ZNF681: variants seen among roughly 807,000 people sequenced by gnomAD.
ZNF681 encodes the protein zinc finger protein 681.
In ZNF681, 37 loss-of-function variants were observed where a neutral mutation model predicts 56.0. That is an observed-to-expected ratio of 0.66 (90% confidence interval 0.51 to 0.87). The LOEUF is 0.87. Among genes scored for constraint, ZNF681 ranks in the 40% least tolerant of loss-of-function variants. The pLI is 0.00. For synonymous variants in ZNF681, 225 were observed against 248.6 expected, an observed-to-expected ratio of 0.91 and a Z score of 0.89; for missense variants, 741 against 744.9, an observed-to-expected ratio of 0.99 and a Z score of 0.06.
In ZNF681 at chr19:23,754,852, T is replaced by C; in HGVS notation, c.197A>G (p.Lys66Arg). ...LEQEKEPWTR[K>R]RHRMVAEPPV... ...GGGTTCGGCCACCATCCTATGTCTC[T>C]TTCTAGTCCAAGGCTCTTTTTCTTG... is the stretch of plus-strand genomic sequence containing the variant. Residue 66 changes from lysine (K) to arginine (R), a missense_variant, in exon 3 of 4, where the codon AAG becomes AGG. Physicochemically the swap from Lys to Arg is conservative, Grantham distance 26 (BLOSUM62 2). Transcript: ENST00000402377. 2 of 1,614,144 alleles carry C rather than the reference T, an allele frequency of 1.2e-6. No individual in the cohort carries two copies. Among genetic ancestry groups the C allele is most frequent in the Non-Finnish European group, 1.7e-6 (2 of 1,180,022 alleles).
chr19:23,751,642 CTT>C (rs769443002), intron 3 of ZNF681, among the ~76,000 whole-genome samples: 10 of 152,022 alleles, frequency 6.6e-5, no homozygotes, highest in Non-Finnish European at 1.3e-4. Context: ...TAATGAGAAA[CTT>C]TTAATCAATA....
In ZNF681 at chr19:23,742,089, A is replaced by G. The variant is rs1968880150; in HGVS notation, c.*1523T>C. On this transcript the variant is annotated 3_prime_UTR_variant, in exon 4 of 4. Coordinates refer to ENST00000402377, the MANE Select transcript of ZNF681 (RefSeq NM_138286.3). ...TGGGATAAGTTAAATTTAATGGCATAATAATGCTTCATTGAATGCACGATG... is the reference window on the plus strand; with the variant it reads ...TGGGATAAGTTAAATTTAATGGCATGATAATGCTTCATTGAATGCACGATG... 1 of 152,196 alleles carries G rather than the reference A, an allele frequency of 6.6e-6. No individual in the cohort carries two copies. The highest frequency in any genetic ancestry group is 2.4e-5 in the African/African-American group (1 of 41,444). The allele number at this position is 152,196 out of a possible 1,614,324, so 9.4% of individuals were successfully genotyped here. A position where few individuals can be genotyped will look rare whatever the true frequency, so the allele number is the denominator to read the frequency against.
intron 2 of ZNF681, 89 bp downstream of exon 2, chr19:23,755,335 CA>C (rs1317370148): frequency 4.8e-6 from 7 of 1,471,152 alleles, no homozygotes; most frequent in Non-Finnish European, 5.4e-6. Flanking sequence ...CTCACTTATG[CA>C]AAGCATAAAT....
Position 23,739,450 on chromosome 19 carries a change from A to G in ZNF681, c.*4162T>C, listed in dbSNP as rs1401571780. On this transcript the variant is annotated 3_prime_UTR_variant, in exon 4 of 4. Coordinates refer to ENST00000402377, the MANE Select transcript of ZNF681 (RefSeq NM_138286.3). ...CTATAGTTCATAACAATGTATTTGT[A>G]TTTCTGAAAAATGCTAAAACATTGT... The G allele has an allele frequency of 6.6e-6, 1 of 152,220 alleles. No homozygotes were observed. Among genetic ancestry groups the G allele is most frequent in the Non-Finnish European group, 1.5e-5 (1 of 68,028 alleles). 9.4% of individuals were successfully genotyped at this position (152,220 alleles called of 1,614,324 possible). A position where few individuals can be genotyped will look rare whatever the true frequency, so the allele number is the denominator to read the frequency against.
intron 1 of ZNF681, among the ~76,000 whole-genome samples, chr19:23,756,325 C>CG (rs1028415971): frequency 6.7e-5 from 10 of 149,752 alleles, no homozygotes; most frequent in African/African-American, 1.7e-4. Flanking sequence ...ACTCTGTCCC[C>CG]CCCCAAAAAA....
At position 23,739,208 on chromosome 19, in the gene ZNF681, TA is replaced by T. The variant is rs1249547228; in HGVS notation, c.*4403del. On this transcript the variant is annotated 3_prime_UTR_variant, in exon 4 of 4. Transcript: ENST00000402377. ...AATGGAATACTATTCATCTTTAAAA[TA>T]AAAAAATTTATTATTTTCAATTACA... 1 of 152,038 alleles carries T rather than the reference TA, an allele frequency of 6.6e-6. No individual in the cohort carries two copies. Among genetic ancestry groups the T allele is most frequent in the African/African-American group, 2.4e-5 (1 of 41,528 alleles). The allele number at this position is 152,038 out of a possible 1,614,324, so 9.4% of individuals were successfully genotyped here.
intron 3 of ZNF681, 78 bp downstream of exon 3, chr19:23,754,745 T>C (rs928575404): frequency 1.0e-4 from 116 of 1,160,682 alleles, no homozygotes; most frequent in Non-Finnish European, 1.4e-4. Flanking sequence ...CAAATCACAT[T>C]ATAAGCACTA....
At chr19:23,755,608 T>A (rs1969105149) in intron 1 of ZNF681, 57 bp from the exon 2 acceptor site, 1 of 1,147,824 alleles carries the variant, frequency 8.7e-7, no homozygotes, top group Non-Finnish European at 1.1e-6. Flanking sequence ...CATACACATT[T>A]AGAAAGTGGC....
At position 23,755,459 on chromosome 19, in the gene ZNF681, C is replaced by T. The variant is rs1238379809; in HGVS notation, c.96G>A (p.Val32=). ...DTIQQNLYRN[V]MLENYRNLVF... ...CCAGGTTTCTGTAGTTCTCTAACAT[C>T]ACATTCCTATATAAATTCTGCTGTA... The change falls in exon 2 of 4, where the codon GTG becomes GTA. Residue 32 remains valine (V), a synonymous_variant. Transcript: ENST00000402377. The T allele has an allele frequency of 6.8e-6, 11 of 1,611,396 alleles. No individual in the cohort carries two copies. The highest frequency in any genetic ancestry group is 1.3e-5 in the African/African-American group (1 of 74,796).
At position 23,745,074 on chromosome 19, in the gene ZNF681, C is replaced by G. The variant is rs1443163653; in HGVS notation, c.476G>C (p.Gly159Ala). The G allele has an allele frequency of 6.3e-7, 1 of 1,598,744 alleles. No homozygotes were observed. The highest frequency in any genetic ancestry group is 8.5e-7 in the Non-Finnish European group (1 of 1,172,278). Residue 159 changes from glycine (G) to alanine (A), a missense_variant, in exon 4 of 4, where the codon GGA becomes GCA. Gly to Ala is a moderately conservative substitution (Grantham distance 60). Transcript: ENST00000402377. ...TTTTCTGGTGTGTCTTACCTTATGT[C>G]CATTTAAATTTGAAAATTTATGAAA... ...KIFHKFSNLN[G>A]HKVRHTRKKP... is the part of the protein sequence containing the mutation.
chr19:23,755,518 A>G lies in ZNF681; in HGVS notation c.37T>C (p.Phe13Leu). 6.3e-7 allele frequency: 1 copy of G among 1,584,398 alleles called. No individual in the cohort carries two copies. The highest frequency in any genetic ancestry group is 1.4e-5 in the African/African-American group (1 of 73,396). The change falls in exon 2 of 4, where the codon TTC (phenylalanine) becomes CTC (leucine). Residue 13 changes from phenylalanine to leucine, a missense_variant. Transcript: ENST00000402377. Reference protein sequence around the residue: ...PLKFRDVAIEFSLEEWQCLDT... With the variant: ...PLKFRDVAIELSLEEWQCLDT... ...AGGCATTGCCACTCCTCCAGAGAGA[A>G]TTCTATGGCCACATCCCTAAATTTC...
chr19:23,750,004 GC>G (rs1969000679), intron 3 of ZNF681, among the ~76,000 whole-genome samples: 1 of 151,032 alleles, frequency 6.6e-6, no homozygotes, highest in Non-Finnish European at 1.5e-5. Flanking sequence ...AAAAAAAAGG[GC>G]CGGGCACCGT....
At chr19:23,749,285 G>A (rs1022187155) in intron 3 of ZNF681, among the ~76,000 whole-genome samples, 6 of 152,190 alleles carry the variant, frequency 3.9e-5, no homozygotes, top group South Asian at 2.1e-4. Context: ...AAGTAGTCAC[G>A]CTCATAAAAA....
rs1968894818 is a variant in ZNF681 at position 23,743,488 on chromosome 19, G to A, written c.*124C>T. 3.6e-5 allele frequency: 31 copies of A among 853,630 alleles called. 1 individual carries two copies. In the South Asian group the frequency reaches 5.7e-4, roughly 16 times the overall value. The allele number at this position is 853,630 out of a possible 1,614,324, so 52.9% of individuals were successfully genotyped here. ...TACAAATGCTTTCCTGTGCAATAAG[G>A]TGTGAGCATTGGTTAAAAGTTTTGC... On this transcript the variant is annotated 3_prime_UTR_variant, in exon 4 of 4. Transcript: ENST00000402377.
chr19:23,746,558 G>C (rs897344154), intron 3 of ZNF681, among the ~76,000 whole-genome samples: 1 of 152,114 alleles, frequency 6.6e-6, no homozygotes, highest in Non-Finnish European at 1.5e-5. Flanking sequence ...AATTAACAGA[G>C]GGTAAAGTTT....
At position 23,744,261 on chromosome 19, in the gene ZNF681, G is replaced by C. The variant is rs748901523; in HGVS notation, c.1289C>G (p.Ala430Gly). 22 of 1,613,524 alleles carry C rather than the reference G, an allele frequency of 1.4e-5. No individual in the cohort carries two copies. Among genetic ancestry groups the C allele is most frequent in the Non-Finnish European group, 1.9e-5 (22 of 1,179,822 alleles). Residue 430 changes from alanine (A) to glycine (G), a missense_variant, in exon 4 of 4, where the codon GCT becomes GGT. Physicochemically the swap from Ala to Gly is moderately conservative, Grantham distance 60. Transcript: ENST00000402377. ...KPYQCEKCGK[A>G]SNQSSNLTEH... is the part of the protein sequence containing the mutation. ...AGTAAGGTTTGAGGATTGGTTAGAAGCTTTGCCACATTTTTCACACTGGTA... is the reference window on the plus strand; with the variant it reads ...AGTAAGGTTTGAGGATTGGTTAGAACCTTTGCCACATTTTTCACACTGGTA...
At chr19:23,750,260 G>T (rs1314082084) in intron 3 of ZNF681, among the ~76,000 whole-genome samples, 29 of 140,958 alleles carry the variant, frequency 2.1e-4, no homozygotes, top group Non-Finnish European at 3.5e-4. Flanking sequence ...CTCCAGCCTG[G>T]GCGACAGAGT....
intron 3 of ZNF681, among the ~76,000 whole-genome samples, chr19:23,748,694 A>G (rs1460471099): frequency 6.6e-6 from 1 of 152,202 alleles, no homozygotes; most frequent in Non-Finnish European, 1.5e-5. Flanking sequence ...AGAATACATA[A>G]ACAAGTCTTA....
Position 23,758,805 on chromosome 19 carries a change from T to C in ZNF681, c.-56A>G. 1 of 1,613,054 alleles carries C rather than the reference T, an allele frequency of 6.2e-7. No individual in the cohort carries two copies. The highest frequency in any genetic ancestry group is 8.5e-7 in the Non-Finnish European group (1 of 1,179,322). ...GCTATGGATCGCCAATACCTGCAGG[T>C]CAGAGGGCCATAGAGGCTGGGCCTC... On this transcript the variant is annotated 5_prime_UTR_variant, in exon 1 of 4. An upstream open reading frame in the 5' UTR loses its in-frame stop. Coordinates refer to ENST00000402377, the MANE Select transcript of ZNF681 (RefSeq NM_138286.3).
Sources: gnomAD v4.1 joint callset for allele counts (sites outside exome capture counted in the v4.1 genomes callset) on GRCh38, gnomAD v4.1.1 for gene constraint, MANE v1.5 for transcripts, NCBI Gene and HGNC (gene_info 2026-07-23, HGNC 2026-07-21) for gene names.